CCDC73: variants seen among roughly 807,000 people sequenced by gnomAD.
The protein encoded by CCDC73 is coiled-coil domain-containing protein 73.
CCDC73 carries 95 observed loss-of-function variants against 116.5 expected under a neutral mutation model. The ratio of observed to expected loss-of-function variants is 0.82; its 90% CI spans 0.69 to 0.97. The LOEUF (loss-of-function observed/expected upper bound fraction) is 0.97, where lower values mean the gene tolerates loss of function less well. Ranked by LOEUF, CCDC73 falls within the 50% of genes least tolerant of loss-of-function variation. CCDC73 has a pLI of 0.00. For synonymous variants in CCDC73, 398 were observed against 401.3 expected (o/e 0.99, Z 0.10); for missense variants, 1,066 against 1,206.8 (o/e 0.88, Z 1.73).
Position 32,712,740 on chromosome 11 carries a change from A to G in CCDC73, c.207+5336T>C, listed in dbSNP as rs748726789. 2.6e-5 allele frequency among the ~76,000 whole-genome samples: 4 copies of G among 151,414 alleles called. No individual in the cohort carries two copies. The Admixed American group carries it at 2.6e-4, about 10-fold the overall frequency. On this transcript the variant is annotated intron_variant, in intron 3 of 17. Transcript: ENST00000335185. ...TAAGCTTACATATATGTACATGTAT[A>G]TACTAATTTACTTTTTATGTTATTC...
At chr11:32,752,887 C>T (rs192076354) in intron 2 of CCDC73, among the ~76,000 whole-genome samples, 32 of 152,252 alleles carry the variant, frequency 2.1e-4, no homozygotes, top group Admixed American at 4.6e-4. Context: ...ACTGTAACCC[C>T]GAACTGCTGG....
chr11:32,720,022 G>A lies in CCDC73; in HGVS notation c.136-1875C>T, dbSNP rs1008593231. ...CACAGTCTCTTCCAGAAAAACAGAA[G>A]AGGAGGAAACACATACTAACTGATT... On this transcript the variant is annotated intron_variant, in intron 2 of 17. Transcript: ENST00000335185. Among the ~76,000 whole-genome samples, 3 of 152,244 alleles carry A rather than the reference G, an allele frequency of 2.0e-5. No individual in the cohort carries two copies. The East Asian group carries it at 5.8e-4, about 29-fold the overall frequency.
At chr11:32,677,919 T>C (rs1398249439) in intron 7 of CCDC73, among the ~76,000 whole-genome samples, 1 of 119,920 alleles carries the variant, frequency 8.3e-6, no homozygotes, top group Non-Finnish European at 1.6e-5. Context: ...GACACTGCAC[T>C]CCAGCCTAGG....
the CCDC73 span, among the ~76,000 whole-genome samples, chr11:32,809,731 G>A: frequency 6.6e-6 from 1 of 152,116 alleles, no homozygotes; most frequent in Non-Finnish European, 1.5e-5. Context: ...TAATGTTCAT[G>A]ACAAAAAAAT....
intron 9 of CCDC73, among the ~76,000 whole-genome samples, chr11:32,655,416 C>T (rs980003021): frequency 6.6e-6 from 1 of 152,038 alleles, no homozygotes; most frequent in Non-Finnish European, 1.5e-5. Flanking sequence ...TGTATCAAAA[C>T]GGTATTACAT....
At chr11:32,657,233 G>C (rs894457713) in intron 9 of CCDC73, among the ~76,000 whole-genome samples, 2 of 152,144 alleles carry the variant, frequency 1.3e-5, no homozygotes, top group Non-Finnish European at 2.9e-5. Flanking sequence ...ACTCACCCAA[G>C]TATATCCTAA....
chr11:32,727,216 T>G (rs1348896839), intron 2 of CCDC73, among the ~76,000 whole-genome samples: 2 of 152,238 alleles, frequency 1.3e-5, no homozygotes, highest in Non-Finnish European at 2.9e-5. Context: ...ATATTTGATA[T>G]TCATGTGAAT....
chr11:32,718,521 C>G (rs1184590208), intron 2 of CCDC73, among the ~76,000 whole-genome samples: 3 of 152,184 alleles, frequency 2.0e-5, no homozygotes, highest in Non-Finnish European at 2.9e-5. Context: ...TTCTAGCAGG[C>G]TTTTCTTCTA....
rs1407201109 is a variant in CCDC73, at chr11:32,614,285, A to G, written c.2033T>C (p.Leu678Pro). 1.9e-6 allele frequency: 3 copies of G among 1,613,396 alleles called. No individual in the cohort carries two copies. Among genetic ancestry groups the G allele is most frequent in the Non-Finnish European group, 2.5e-6 (3 of 1,179,634 alleles). ...LTKKSECSIL[L>P]SKQTSDFLQV... The stretch of plus-strand genomic sequence containing the variant: ...CAGAAAATCTGAAGTTTGTTTAGAA[A>G]GTAATATGCTGCACTCACTTTTTTT... The change falls in exon 16 of 18, where the codon CTT (leucine) becomes CCT (proline). Residue 678 changes from leucine to proline, a missense_variant. Transcript: ENST00000335185.
intron 1 of CCDC73, among the ~76,000 whole-genome samples, chr11:32,794,126 G>A (rs1034905198): frequency 1.3e-5 from 2 of 152,108 alleles, no homozygotes; most frequent in Non-Finnish European, 2.9e-5. Context: ...TCTGCAAAAA[G>A]TAACGTTCAC....
At chr11:32,829,847 C>G in the CCDC73 span, 1 of 985,410 alleles carries the variant, frequency 1.0e-6, no homozygotes, top group Non-Finnish European at 1.2e-6. Flanking sequence ...GCCCACTGCC[C>G]GCCCGCTCGC....
intron 1 of CCDC73, among the ~76,000 whole-genome samples, chr11:32,763,354 C>A (rs1212102590): frequency 6.6e-6 from 1 of 152,252 alleles, no homozygotes; most frequent in Non-Finnish European, 1.5e-5. Context: ...CCAGTAGGGG[C>A]AGACTGATAC....
chr11:32,737,289 T>C (rs1261377938), intron 2 of CCDC73, among the ~76,000 whole-genome samples: 1 of 146,696 alleles, frequency 6.8e-6, no homozygotes, highest in Non-Finnish European at 1.5e-5. Flanking sequence ...ACATGGTCCA[T>C]AGGATATTTT....
chr11:32,671,061 ACTGT>A (rs753055487), intron 9 of CCDC73, among the ~76,000 whole-genome samples: 51 of 152,320 alleles, frequency 3.3e-4, no homozygotes, highest in Admixed American at 1.2e-3. Context: ...CTTTTAGTAC[ACTGT>A]CTGTTTTCTA....
At chr11:32,619,572 C>T (rs888541708) in intron 14 of CCDC73, among the ~76,000 whole-genome samples, 22 of 151,922 alleles carry the variant, frequency 1.4e-4, no homozygotes, top group African/African-American at 3.4e-4. Context: ...ACTTGGGAAG[C>T]GGGGGCAGGA....
intron 14 of CCDC73, among the ~76,000 whole-genome samples, chr11:32,633,310 G>C (rs1363945150): frequency 6.6e-6 from 1 of 152,152 alleles, no homozygotes; most frequent in Non-Finnish European, 1.5e-5. Context: ...TATCAAGAAT[G>C]ACAGAGGGGC....
At chr11:32,696,328 TACA>T (rs1314264747) in intron 6 of CCDC73, among the ~76,000 whole-genome samples, 2 of 152,216 alleles carry the variant, frequency 1.3e-5, no homozygotes, top group Non-Finnish European at 2.9e-5. Context: ...AGGGTACTAA[TACA>T]ACATTTCCTT....
chr11:32,705,179 A>AGCAGGACT (rs1203674943), intron 3 of CCDC73, among the ~76,000 whole-genome samples: 1 of 152,246 alleles, frequency 6.6e-6, no homozygotes, highest in Non-Finnish European at 1.5e-5. Flanking sequence ...GAAGCAGGGC[A>AGCAGGACT]GCAGGACTGA....
Position 32,679,372 on chromosome 11 carries a change from TA to T in CCDC73, c.430-3352del, listed in dbSNP as rs201410012. ...TTCAAGGAAGTTTTTATTTTTTATTTATTTTTTTGGAGATGGAGTCTCTCTC... is the reference window on the plus strand; with the variant it reads ...TTCAAGGAAGTTTTTATTTTTTATTTTTTTTTTGGAGATGGAGTCTCTCTC... On this transcript the variant is annotated intron_variant, in intron 7 of 17. Transcript: ENST00000335185. Among the ~76,000 whole-genome samples the T allele has an allele frequency of 1.0e-2, 1,518 of 152,228 alleles. 28 individuals carry two copies. Among genetic ancestry groups the T allele is most frequent in the African/African-American group, 0.035 (1,437 of 41,534 alleles).
Sources: gnomAD v4.1 joint callset for allele counts (sites outside exome capture counted in the v4.1 genomes callset) on GRCh38, gnomAD v4.1.1 for gene constraint, MANE v1.5 for transcripts, NCBI Gene and HGNC (gene_info 2026-07-23, HGNC 2026-07-21) for gene names.